APP: variants seen among roughly 807,000 people sequenced by gnomAD.
APP encodes the protein amyloid-beta precursor protein.
A neutral mutation model predicts 101.4 loss-of-function variants in APP; 31 were observed. That is an observed-to-expected ratio of 0.31 (90% CI 0.23 to 0.41). The LOEUF is 0.41. Ranked by LOEUF, APP falls within the 10% of genes least tolerant of loss-of-function variation. The pLI is 1.00. For synonymous variants in APP, 366 were observed against 364.4 expected, an observed-to-expected ratio of 1.00 and a Z score of -0.05; for missense variants, 839 against 1,003.7, an observed-to-expected ratio of 0.84 and a Z score of 2.22.
chr21:26,011,500 G>C (rs529483459), intron 6 of APP, among the ~76,000 whole-genome samples: 27 of 152,138 alleles, frequency 1.8e-4, no homozygotes, highest in African/African-American at 6.0e-4. Context: ...CATCACTTGG[G>C]GGTGCTGCTG....
At chr21:26,058,444 T>C (rs1464333909) in intron 3 of APP, among the ~76,000 whole-genome samples, 1 of 152,198 alleles carries the variant, frequency 6.6e-6, no homozygotes, top group African/African-American at 2.4e-5. Context: ...GGAATGAATA[T>C]CAAACAGGCG....
intron 16 of APP, among the ~76,000 whole-genome samples, chr21:25,893,677 G>A (rs1038701268): frequency 2.6e-5 from 4 of 152,210 alleles, no homozygotes; most frequent in African/African-American, 2.4e-5. Context: ...AGAAAAAAAA[G>A]TTGGGAGAGG....
rs139469580 is a variant in APP at position 26,037,425 on chromosome 21, GTCTGA to G, written c.662+13570_662+13574del. Among the ~76,000 whole-genome samples the G allele has an allele frequency of 1.4e-3, 218 of 152,250 alleles. 2 individuals carry two copies. The highest frequency in any genetic ancestry group is 5.1e-3 in the African/African-American group (212 of 41,544). The stretch of plus-strand genomic sequence containing the variant: ...ATGCCTGAGATGAATATGCTGATCA[GTCTGA>G]TCTGATCACTGTGTACCCTGTAAAT... On this transcript the variant is annotated intron_variant, in intron 5 of 17. Transcript: ENST00000346798.
rs550162064 is a variant in APP, at chr21:25,903,009, A to T, written c.1963+2015T>A. ...TTCTCTAGCTCTTCCTTTAAAACAC[A>T]CTGTTTTTGTTTGACAGCGTTTGGA... On this transcript the variant is annotated intron_variant, in intron 15 of 17. Transcript: ENST00000346798. 3.3e-5 allele frequency among the ~76,000 whole-genome samples: 5 copies of T among 152,160 alleles called. 1 individual carries two copies. Among genetic ancestry groups the T allele is most frequent in the African/African-American group, 1.2e-4 (5 of 41,522 alleles).
chr21:25,993,794 T>C (rs955001763), intron 8 of APP, among the ~76,000 whole-genome samples: 1 of 152,206 alleles, frequency 6.6e-6, no homozygotes, highest in Non-Finnish European at 1.5e-5. Context: ...TAGCAATGTC[T>C]AGAGACATTT....
chr21:25,894,784 T>C (rs1216561192), intron 16 of APP, among the ~76,000 whole-genome samples: 2 of 152,240 alleles, frequency 1.3e-5, no homozygotes, highest in African/African-American at 4.8e-5. Flanking sequence ...GATGAAGCAG[T>C]GGCTAGATTT....
chr21:26,000,405 C>T (rs755394188), intron 6 of APP, among the ~76,000 whole-genome samples: 24 of 152,150 alleles, frequency 1.6e-4, no homozygotes, highest in Admixed American at 3.9e-4. Context: ...GTGCAGGACT[C>T]GGTAGCAATA....
chr21:25,973,848 G>A (rs1023629843), intron 11 of APP, among the ~76,000 whole-genome samples: 10 of 149,198 alleles, frequency 6.7e-5, no homozygotes, highest in South Asian at 4.3e-4. Context: ...GCTGAGGCAT[G>A]AGAATTGCTT....
intron 6 of APP, among the ~76,000 whole-genome samples, chr21:26,018,936 A>G (rs987260301): frequency 5.3e-5 from 8 of 152,196 alleles, no homozygotes; most frequent in Non-Finnish European, 1.2e-4. Context: ...TTCCGTCTTA[A>G]TATCAAATAA....
intron 3 of APP, among the ~76,000 whole-genome samples, chr21:26,060,042 G>C (rs8128570): frequency 0.051 from 7,703 of 151,860 alleles, 403 homozygotes; most frequent in East Asian, 0.23. Context: ...CCAGAACAAA[G>C]TTGCTCAATA....
chr21:25,954,808 T>G (rs2041244110), intron 12 of APP, 119 bp from the exon 13 acceptor site: 3 of 866,720 alleles, frequency 3.5e-6, no homozygotes. Context: ...AGGTTATTTT[T>G]CTTACCAAGC....
chr21:25,896,888 A>C (rs528142650), intron 16 of APP, among the ~76,000 whole-genome samples: 9 of 152,290 alleles, frequency 5.9e-5, no homozygotes, highest in African/African-American at 2.2e-4. Flanking sequence ...GGGAGAAATG[A>C]ATGGGTAAAG....
At chr21:25,948,746 C>T (rs1015439232) in intron 13 of APP, among the ~76,000 whole-genome samples, 6 of 152,132 alleles carry the variant, frequency 3.9e-5, no homozygotes, top group Non-Finnish European at 7.3e-5. Context: ...TAAATAACCT[C>T]AGTGCCAATA....
chr21:26,053,531 T>A, intron 3 of APP, 183 bp from the exon 4 acceptor site: 1 of 538,442 alleles, frequency 1.9e-6, no homozygotes. Context: ...ACTCCGTTTC[T>A]TGCCACTTCA....
At chr21:26,075,370 G>T (rs2061481884) in intron 3 of APP, among the ~76,000 whole-genome samples, 2 of 152,174 alleles carry the variant, frequency 1.3e-5, no homozygotes, top group Admixed American at 1.3e-4. Context: ...CAATATAGCT[G>T]CACAATTATT....
chr21:25,945,695 T>C (rs1170961484), intron 13 of APP: 2 of 332,124 alleles, frequency 6.0e-6, no homozygotes, highest in Non-Finnish European at 1.2e-5. Context: ...GGGGAAATAA[T>C]AGTCTTTTTC....
At chr21:25,998,239 G>A (rs1349824181) in intron 7 of APP, among the ~76,000 whole-genome samples, 1 of 152,264 alleles carries the variant, frequency 6.6e-6, no homozygotes, top group East Asian at 1.9e-4. Context: ...AAACCAGTGA[G>A]AATCACTGTA....
chr21:25,984,960 A>G (rs902479920), intron 8 of APP, among the ~76,000 whole-genome samples: 3 of 152,318 alleles, frequency 2.0e-5, no homozygotes, highest in African/African-American at 7.2e-5. Flanking sequence ...TGGAATCATA[A>G]AACTTACTAT....
intron 5 of APP, among the ~76,000 whole-genome samples, chr21:26,043,313 G>A (rs2045460257): frequency 6.6e-6 from 1 of 151,924 alleles, no homozygotes; most frequent in Non-Finnish European, 1.5e-5. Flanking sequence ...TCAGCTCACT[G>A]CAACCTCCAC....
Sources: gnomAD v4.1 joint callset for allele counts (sites outside exome capture counted in the v4.1 genomes callset) on GRCh38, gnomAD v4.1.1 for gene constraint, MANE v1.5 for transcripts, NCBI Gene and HGNC (gene_info 2026-07-23, HGNC 2026-07-21) for gene names.